The following ASB2 variants were observed in gnomAD, a reference collection of about 807,000 sequenced individuals.
ASB2 encodes the protein ankyrin repeat and SOCS box protein 2.
A neutral mutation model predicts 62.4 loss-of-function variants in ASB2; 58 were observed. The observed-to-expected ratio is 0.93, with a 90% CI of 0.75 to 1.16. ASB2 has a LOEUF of 1.16. Among genes scored for constraint, ASB2 ranks in the 50% most tolerant of loss-of-function variants. The probability of loss-of-function intolerance (pLI) is 0.00; values close to 1 mark genes in which losing one functional copy is unlikely to be tolerated. For missense variants in ASB2, 928 were observed against 887.9 expected (o/e 1.05, Z -0.57); for synonymous variants, 386 against 385.3 (o/e 1.00, Z -0.02).
chr14:93,957,471 G>T, intron 2 of ASB2: 1 of 845,834 alleles, frequency 1.2e-6, no homozygotes, highest in Non-Finnish European at 1.4e-6. Context: ...AACCAGGGCT[G>T]CAGTCAGACA....
Position 93,953,615 on chromosome 14 carries a change from C to G in ASB2, c.479-108G>C. 3 of 997,412 alleles carry G rather than the reference C, an allele frequency of 3.0e-6. No homozygotes were observed. The East Asian group carries it at 8.4e-5, about 28-fold the overall frequency. 61.8% of individuals were successfully genotyped at this position (997,412 alleles called of 1,614,324 possible). ...TTTCAAGAACAATGTATGACATCCT[C>G]TGAAATTTACCAACTACAGACTGCA... is the stretch of plus-strand genomic sequence containing the variant. On this transcript the variant is annotated intron_variant, in intron 4 of 9. Transcript: ENST00000555019.
intron 1 of ASB2, among the ~76,000 whole-genome samples, chr14:93,975,223 A>G (rs936462645): frequency 1.8e-4 from 28 of 152,376 alleles, no homozygotes; most frequent in Admixed American, 9.1e-4. Flanking sequence ...TATCTTCAGA[A>G]GAGCATTCCT....
At chr14:93,951,266 G>A in intron 5 of ASB2, 22 bp from the exon 6 acceptor site, 1 of 1,576,042 alleles carries the variant, frequency 6.3e-7, no homozygotes, top group Non-Finnish European at 8.6e-7. Flanking sequence ...GGGAAGCAGG[G>A]ATGGTCAGCA....
At position 93,962,272 on chromosome 14, in the gene ASB2, G is replaced by A. The variant is rs182946683; in HGVS notation, c.206+2062C>T. Among the ~76,000 whole-genome samples the A allele has an allele frequency of 6.0e-3, 905 of 151,748 alleles. 10 individuals carry two copies. The highest frequency in any genetic ancestry group is 0.021 in the African/African-American group (854 of 41,388). On this transcript the variant is annotated intron_variant, in intron 2 of 9. Transcript: ENST00000555019. The stretch of plus-strand genomic sequence containing the variant: ...TGGGACTACAGGCGCCCGCCACTAC[G>A]CCCGGCTAATTTTTTGTATTTTTAG...
At chr14:93,966,621 A>G (rs1889600477) in intron 1 of ASB2, among the ~76,000 whole-genome samples, 1 of 152,242 alleles carries the variant, frequency 6.6e-6, no homozygotes, top group African/African-American at 2.4e-5. Context: ...TGCTGAACCA[A>G]TGCTGGGTCC....
intron 9 of ASB2, among the ~76,000 whole-genome samples, chr14:93,936,469 C>A (rs570318913): frequency 3.9e-5 from 6 of 152,182 alleles, no homozygotes; most frequent in Non-Finnish European, 8.8e-5. Flanking sequence ...GGCCAAGGAT[C>A]GTGGTGACAG....
At chr14:93,967,435 G>A (rs367725552) in intron 1 of ASB2, among the ~76,000 whole-genome samples, 3 of 152,238 alleles carry the variant, frequency 2.0e-5, no homozygotes, top group East Asian at 1.9e-4. Context: ...AGGAAGTGCT[G>A]GTGCCCAGGA....
At chr14:93,935,003 C>T (rs1277289609) in intron 9 of ASB2, among the ~76,000 whole-genome samples, 1 of 152,156 alleles carries the variant, frequency 6.6e-6, no homozygotes, top group Non-Finnish European at 1.5e-5. Context: ...GCACAGCCCA[C>T]GCAGTGCACA....
intron 1 of ASB2, among the ~76,000 whole-genome samples, chr14:93,972,131 G>T (rs909378570): frequency 2.0e-5 from 3 of 150,900 alleles, no homozygotes; most frequent in African/African-American, 7.3e-5. Context: ...AATATCACAT[G>T]ACCCGTAGCT....
chr14:93,959,103 C>T (rs148358379), intron 2 of ASB2, among the ~76,000 whole-genome samples: 7 of 152,308 alleles, frequency 4.6e-5, no homozygotes, highest in African/African-American at 1.2e-4. Flanking sequence ...ATGGAAGCAG[C>T]GGGTGTGCTG....
At position 93,939,335 on chromosome 14, in the gene ASB2, C is replaced by G; in HGVS notation, c.1390G>C (p.Gly464Arg). Residue 464 changes from glycine to arginine, a missense_variant, in exon 8 of 10, where the codon GGC becomes CGC. Physicochemically the swap from Gly to Arg is moderately radical, Grantham distance 125 (BLOSUM62 -2). Transcript: ENST00000555019. Reference protein sequence around the residue: ...LRTMQLLLDHGANIDAYIATH... With the variant: ...LRTMQLLLDHRANIDAYIATH... ...GCGATATAGGCGTCGATGTTCGCGC[C>G]GTGGTCCAGCAGCAGCTGCATTGTG... is the stretch of plus-strand genomic sequence containing the variant. 1 of 1,611,008 alleles carries G rather than the reference C, an allele frequency of 6.2e-7. No homozygotes were observed. Among genetic ancestry groups the G allele is most frequent in the Non-Finnish European group, 8.5e-7 (1 of 1,178,324 alleles).
intron 6 of ASB2, 138 bp downstream of exon 6, chr14:93,950,861 C>A (rs1311177990): frequency 1.3e-5 from 13 of 994,168 alleles, no homozygotes; most frequent in Non-Finnish European, 2.0e-5. Flanking sequence ...CTCAACACAG[C>A]ACTCTAGGAG....
intron 3 of ASB2, among the ~76,000 whole-genome samples, chr14:93,956,147 G>A (rs1889191880): frequency 6.6e-6 from 1 of 152,296 alleles, no homozygotes; most frequent in East Asian, 1.9e-4. Flanking sequence ...ACTATTCCAG[G>A]GGTACAGAGA....
In ASB2 at chr14:93,939,034, G is replaced by A. The variant is rs191968657; in HGVS notation, c.1617+74C>T. On this transcript the variant is annotated intron_variant, in intron 8 of 9. Transcript: ENST00000555019. Reference sequence around the variant, plus strand: ...GAGCGCGAACCACCCGGCCCCGCCCGCCTCCCATGCGCGCGCGCGTCCCTG... The same window carrying A: ...GAGCGCGAACCACCCGGCCCCGCCCACCTCCCATGCGCGCGCGCGTCCCTG... 14 of 1,305,970 alleles carry A rather than the reference G, an allele frequency of 1.1e-5. No individual in the cohort carries two copies. The African/African-American group carries it at 2.2e-4, about 21-fold the overall frequency. The allele number at this position is 1,305,970 out of a possible 1,614,324, so 80.9% of individuals were successfully genotyped here.
At position 93,939,290 on chromosome 14, in the gene ASB2, G is replaced by T. The variant is rs1364492464; in HGVS notation, c.1435C>A (p.Pro479Thr). ...AYIATHPTAF[P>T]ATIMFAMKCL... is the part of the protein sequence containing the mutation. The stretch of plus-strand genomic sequence containing the variant: ...TTCATGGCGAACATGATGGTGGCGG[G>T]GAAGGCGGTGGGGTGCGTGGCGATA... Residue 479 changes from proline (P) to threonine (T), a missense_variant, in exon 8 of 10, where the codon CCC becomes ACC. By Grantham distance (38) the Pro-to-Thr change is conservative. Transcript: ENST00000555019. 5.6e-6 allele frequency: 9 copies of T among 1,609,210 alleles called. No individual in the cohort carries two copies. The highest frequency in any genetic ancestry group is 1.3e-5 in the African/African-American group (1 of 74,856).
chr14:93,946,779 A>G (rs1440736471), intron 7 of ASB2, among the ~76,000 whole-genome samples: 2 of 152,266 alleles, frequency 1.3e-5, no homozygotes, highest in South Asian at 2.1e-4. Context: ...TAATTGCTCA[A>G]TAACTGCTAG....
chr14:93,960,338 C>G (rs542531258), intron 2 of ASB2, among the ~76,000 whole-genome samples: 1 of 152,278 alleles, frequency 6.6e-6, no homozygotes, highest in South Asian at 2.1e-4. Flanking sequence ...AGACTGTGAT[C>G]TTAGGGAGAG....
chr14:93,939,341 CCAG>C lies in ASB2; in HGVS notation c.1381_1383del (p.Leu461del). 1 of 1,611,816 alleles carries C rather than the reference CCAG, an allele frequency of 6.2e-7. No homozygotes were observed. The highest frequency in any genetic ancestry group is 8.5e-7 in the Non-Finnish European group (1 of 1,179,002). ...TAGGCGTCGATGTTCGCGCCGTGGT[CCAG>C]CAGCAGCTGCATTGTGCGCAGGCAG... On this transcript the variant is annotated inframe_deletion, in exon 8 of 10. Coordinates refer to ENST00000555019, the MANE Select transcript of ASB2 (RefSeq NM_001202429.2).
intron 2 of ASB2, among the ~76,000 whole-genome samples, chr14:93,958,176 C>T (rs547764232): frequency 6.6e-6 from 1 of 152,366 alleles, no homozygotes; most frequent in African/African-American, 2.4e-5. Flanking sequence ...CGCCCTCCCA[C>T]CTGCCTTCTC....
Sources: gnomAD v4.1 joint callset for allele counts (sites outside exome capture counted in the v4.1 genomes callset) on GRCh38, gnomAD v4.1.1 for gene constraint, MANE v1.5 for transcripts, NCBI Gene and HGNC (gene_info 2026-07-23, HGNC 2026-07-21) for gene names.